LDAH: variants seen among roughly 807,000 people sequenced by gnomAD.
LDAH encodes lipid droplet-associated hydrolase.
A neutral mutation model predicts 29.6 loss-of-function variants in LDAH; 26 were observed. The ratio of observed to expected loss-of-function variants is 0.88; its 90% confidence interval spans 0.64 to 1.22. The LOEUF is 1.22. LDAH is among the 50% of genes most tolerant of loss of function. The pLI, the probability that LDAH is intolerant of heterozygous loss-of-function variation, is 0.00. For synonymous variants in LDAH, 117 were observed against 133.0 expected (o/e 0.88, Z 0.83); for missense variants, 344 against 387.3 (o/e 0.89, Z 0.94).
chr2:20,774,016 A>G (rs1231117151), intron 4 of LDAH, among the ~76,000 whole-genome samples: 2 of 152,258 alleles, frequency 1.3e-5, no homozygotes, highest in East Asian at 3.9e-4. Context: ...AGACTGTCTT[A>G]CTCTCTGGGA....
intron 3 of LDAH, among the ~76,000 whole-genome samples, chr2:20,780,100 G>C (rs1670088092): frequency 6.6e-6 from 1 of 152,132 alleles, no homozygotes; most frequent in Admixed American, 6.5e-5. Context: ...TAAGCTCCCT[G>C]TATCTAAACA....
At chr2:20,820,030 C>T (rs1098152) in intron 1 of LDAH, among the ~76,000 whole-genome samples, 22,774 of 149,944 alleles carry the variant, frequency 0.15, 4,350 homozygotes, top group African/African-American at 0.46. Flanking sequence ...TCAAAGAGAA[C>T]AAAATACCTA....
chr2:20,766,759 CA>C (rs554967191), intron 4 of LDAH, among the ~76,000 whole-genome samples: 2 of 152,348 alleles, frequency 1.3e-5, no homozygotes, highest in African/African-American at 4.8e-5. Flanking sequence ...GGGCTATCCA[CA>C]GTGGGGAGGC....
chr2:20,788,951 T>G (rs1258244420), intron 3 of LDAH: 1 of 583,920 alleles, frequency 1.7e-6, no homozygotes, highest in African/African-American at 1.9e-5. Context: ...TCCATGGTAT[T>G]ACTTCTTCCA....
At chr2:20,759,955 G>T (rs1391729392) in intron 4 of LDAH, among the ~76,000 whole-genome samples, 1 of 152,176 alleles carries the variant, frequency 6.6e-6, no homozygotes, top group Non-Finnish European at 1.5e-5. Context: ...GATGAGATTT[G>T]AATATGGCAA....
chr2:20,759,507 T>C (rs2124945528), intron 4 of LDAH, among the ~76,000 whole-genome samples: 1 of 152,306 alleles, frequency 6.6e-6, no homozygotes, highest in South Asian at 2.1e-4. Context: ...ACATTGCATA[T>C]TGTTCACAGA....
At chr2:20,812,759 T>TA (rs1403386713) in intron 1 of LDAH, among the ~76,000 whole-genome samples, 1 of 152,182 alleles carries the variant, frequency 6.6e-6, no homozygotes, top group African/African-American at 2.4e-5. Flanking sequence ...AGGATGGTGA[T>TA]AAAGTTTTAA....
intron 1 of LDAH, among the ~76,000 whole-genome samples, chr2:20,822,827 C>T (rs1216399458): frequency 6.6e-6 from 1 of 152,190 alleles, no homozygotes; most frequent in African/African-American, 2.4e-5. Flanking sequence ...AGCGACTGCC[C>T]GGCCTGCAAC....
intron 1 of LDAH, among the ~76,000 whole-genome samples, chr2:20,815,560 G>C (rs1672793142): frequency 6.6e-6 from 1 of 151,998 alleles, no homozygotes; most frequent in Non-Finnish European, 1.5e-5. Flanking sequence ...CCTTTAAGGG[G>C]AACAATAATT....
At chr2:20,731,192 A>G (rs989213757) in intron 5 of LDAH, among the ~76,000 whole-genome samples, 1 of 152,212 alleles carries the variant, frequency 6.6e-6, no homozygotes, top group Non-Finnish European at 1.5e-5. Flanking sequence ...CATGTCCTCA[A>G]TGTAATCCCC....
intron 1 of LDAH, among the ~76,000 whole-genome samples, chr2:20,805,851 TA>T (rs1361875868): frequency 2.0e-5 from 3 of 151,754 alleles, no homozygotes; most frequent in Non-Finnish European, 2.9e-5. Context: ...CTGATTTATT[TA>T]TATGTTTAAA....
At chr2:20,748,702 CAGTGAAT>C (rs1355422904) in intron 4 of LDAH, among the ~76,000 whole-genome samples, 1 of 152,184 alleles carries the variant, frequency 6.6e-6, no homozygotes, top group Non-Finnish European at 1.5e-5. Flanking sequence ...CCTCAGAATT[CAGTGAAT>C]AGTGAATAGC....
chr2:20,697,999 A>C (rs1408809084), intron 6 of LDAH, among the ~76,000 whole-genome samples: 1 of 152,230 alleles, frequency 6.6e-6, no homozygotes, highest in Non-Finnish European at 1.5e-5. Context: ...ATATCTCATT[A>C]TCCAACAACT....
At chr2:20,766,701 T>C (rs999438867) in intron 4 of LDAH, among the ~76,000 whole-genome samples, 1 of 152,256 alleles carries the variant, frequency 6.6e-6, no homozygotes, top group Non-Finnish European at 1.5e-5. Flanking sequence ...TTATATCTTC[T>C]GCCTCTTTCT....
At chr2:20,771,792 CTTACACCCTT>C (rs1558462971) in intron 4 of LDAH, among the ~76,000 whole-genome samples, 3 of 15,580 alleles carry the variant, frequency 1.9e-4, no homozygotes, top group African/African-American at 2.2e-4. Flanking sequence ...TATTTTCTAG[CTTACACCCTT>C]TGGACAATTT....
intron 5 of LDAH, among the ~76,000 whole-genome samples, chr2:20,703,255 T>C (rs4971516): frequency 0.067 from 10,194 of 152,328 alleles, 474 homozygotes; most frequent in East Asian, 0.13. Context: ...ACCATAGTTT[T>C]CTTTTCCATC....
intron 6 of LDAH, among the ~76,000 whole-genome samples, chr2:20,690,251 G>T (rs1044486474): frequency 3.9e-5 from 6 of 152,122 alleles, no homozygotes; most frequent in African/African-American, 1.4e-4. Flanking sequence ...GTAATTATGG[G>T]GCACACACTG....
rs188739203 is a variant in LDAH at position 20,695,475 on chromosome 2, C to T, written c.786+6095G>A. 2.9e-3 allele frequency among the ~76,000 whole-genome samples: 418 copies of T among 142,556 alleles called. 3 individuals are homozygous for T. The highest frequency in any genetic ancestry group is 0.011 in the African/African-American group (402 of 38,188). The allele number at this position is 142,556 out of a possible 152,430, so 93.5% of individuals were successfully genotyped here. A position where few individuals can be genotyped will look rare whatever the true frequency, so the allele number is the denominator to read the frequency against. On this transcript the variant is annotated intron_variant, in intron 6 of 6. Coordinates refer to ENST00000237822, the MANE Select transcript of LDAH (RefSeq NM_021925.4). ...CTTTCTTTTTTTTTTTTTTTTGAGA[C>T]GGAGTCTCGCTCTGTTGCCCAGGCT...
At chr2:20,758,413 A>T (rs1668472844) in intron 4 of LDAH, among the ~76,000 whole-genome samples, 1 of 152,214 alleles carries the variant, frequency 6.6e-6, no homozygotes, top group Non-Finnish European at 1.5e-5. Flanking sequence ...GATGTAACAG[A>T]TGAGTTTAAA....
Sources: gnomAD v4.1 joint callset for allele counts (sites outside exome capture counted in the v4.1 genomes callset) on GRCh38, gnomAD v4.1.1 for gene constraint, MANE v1.5 for transcripts, NCBI Gene and HGNC (gene_info 2026-07-23, HGNC 2026-07-21) for gene names.